ITPKC: variants seen among roughly 807,000 people sequenced by gnomAD.
ITPKC encodes inositol-trisphosphate 3-kinase C.
Under a neutral mutation model 67.1 loss-of-function variants are expected in ITPKC, and 33 were observed. The ratio of observed to expected loss-of-function variants is 0.49; its 90% CI spans 0.37 to 0.66. ITPKC has a LOEUF of 0.66. ITPKC is among the 30% of genes least tolerant of loss of function. ITPKC has a pLI of 0.00. For synonymous variants in ITPKC, 341 were observed against 359.8 expected, an observed-to-expected ratio of 0.95 and a Z score of 0.59; for missense variants, 820 against 892.1, an observed-to-expected ratio of 0.92 and a Z score of 1.03.
At chr19:40,739,132 G>A (rs114858650) in intron 6 of ITPKC, among the ~76,000 whole-genome samples, 1,619 of 152,308 alleles carry the variant, frequency 0.011, 39 homozygotes, top group African/African-American at 0.037. Flanking sequence ...ACGGACTGGG[G>A]AGACTAACTG....
At chr19:40,718,654 G>A (rs1359183539) in intron 1 of ITPKC, among the ~76,000 whole-genome samples, 1 of 152,096 alleles carries the variant, frequency 6.6e-6, no homozygotes, top group African/African-American at 2.4e-5. Flanking sequence ...CTAATCCTCT[G>A]GAATCTGAAG....
At chr19:40,730,505 C>T (rs769057697) in intron 3 of ITPKC, among the ~76,000 whole-genome samples, 2 of 152,136 alleles carry the variant, frequency 1.3e-5, no homozygotes, top group Non-Finnish European at 2.9e-5. Flanking sequence ...GATTATAGCT[C>T]ACAGTAGCCT....
intron 3 of ITPKC, among the ~76,000 whole-genome samples, chr19:40,729,866 C>A (rs754772377): frequency 3.3e-5 from 5 of 152,182 alleles, no homozygotes; most frequent in Non-Finnish European, 5.9e-5. Flanking sequence ...GTGTTACAGT[C>A]GTCCCAGATT....
intron 1 of ITPKC, among the ~76,000 whole-genome samples, chr19:40,720,510 C>G (rs2561528): frequency 0.65 from 99,107 of 151,708 alleles, 32,913 homozygotes; most frequent in African/African-American, 0.76. Context: ...TTTAAACCCT[C>G]CAGTGTGTAG....
intron 1 of ITPKC, among the ~76,000 whole-genome samples, chr19:40,721,646 A>C (rs1178596412): frequency 2.0e-5 from 3 of 151,848 alleles, no homozygotes; most frequent in East Asian, 3.9e-4. Context: ...TGGGATTACA[A>C]GCATGAGCCA....
rs1599645051 is a variant in ITPKC at position 40,717,764 on chromosome 19, G to A, written c.629G>A (p.Gly210Glu). The change falls in exon 1 of 7, where the codon GGA becomes GAA. Residue 210 changes from glycine to glutamate, a missense_variant. By Grantham distance (98) the Gly-to-Glu change is moderately conservative. This residue lies in a region of ITPKC where 481 missense variants were observed against 470.1 expected (regional missense o/e 1.02). Coordinates refer to ENST00000263370, the MANE Select transcript of ITPKC (RefSeq NM_025194.3). ...NSSSLQTHPE[G>E]ACPSKEPSAD... The stretch of plus-strand genomic sequence containing the variant: ...TCCAGCCTCCAGACTCACCCAGAAG[G>A]AGCCTGTCCCTCAAAAGAGCCAAGT... 7.4e-6 allele frequency: 12 copies of A among 1,613,828 alleles called. No homozygotes were observed. The highest frequency in any genetic ancestry group is 2.7e-5 in the African/African-American group (2 of 74,890).
chr19:40,737,699 A>G lies in ITPKC; in HGVS notation c.1778A>G (p.Gln593Arg). Reference protein sequence around the residue: ...DFVDGDHVILQKYVACLEELR... With the variant: ...DFVDGDHVILRKYVACLEELR... ...CAAAGAACGCTCCCTGTCACACAGC[A>G]AAAGTACGTGGCATGCCTAGAAGAA... Residue 593 changes from glutamine to arginine, a missense_variant and splice_region_variant, in exon 6 of 7, where the codon CAA (glutamine) becomes CGA (arginine). Coordinates refer to ENST00000263370, the MANE Select transcript of ITPKC (RefSeq NM_025194.3). The G allele has an allele frequency of 6.2e-7, 1 of 1,614,126 alleles. No individual in the cohort carries two copies. The highest frequency in any genetic ancestry group is 8.5e-7 in the Non-Finnish European group (1 of 1,179,982).
intron 1 of ITPKC, among the ~76,000 whole-genome samples, chr19:40,721,508 C>G (rs1453897846): frequency 6.6e-6 from 1 of 151,780 alleles, no homozygotes; most frequent in African/African-American, 2.4e-5. Flanking sequence ...GTAGCTGGGA[C>G]TACAAGCGCA....
intron 3 of ITPKC, among the ~76,000 whole-genome samples, chr19:40,732,290 G>A (rs1205640888): frequency 6.6e-6 from 1 of 150,874 alleles, no homozygotes; most frequent in Non-Finnish European, 1.5e-5. Flanking sequence ...CTTGTAAATG[G>A]GAGGCAGAGG....
chr19:40,738,382 T>C (rs1378023490), intron 6 of ITPKC, among the ~76,000 whole-genome samples: 1 of 152,012 alleles, frequency 6.6e-6, no homozygotes, highest in East Asian at 1.9e-4. Context: ...TGAGCCGAGA[T>C]TGTGCCGCTG....
In ITPKC at chr19:40,737,887, G is replaced by A. The variant is rs796553172; in HGVS notation, c.1848+118G>A. On this transcript the variant is annotated intron_variant, in intron 6 of 6. Coordinates refer to ENST00000263370, the MANE Select transcript of ITPKC (RefSeq NM_025194.3). Reference sequence around the variant, plus strand: ...AAAAAGGGGCTGGGCGTTGTGGCCCGCACCTGTAATACCAGCACTTTGGGA... The same window carrying A: ...AAAAAGGGGCTGGGCGTTGTGGCCCACACCTGTAATACCAGCACTTTGGGA... 2.9e-5 allele frequency: 23 copies of A among 796,006 alleles called. No homozygotes were observed. The African/African-American group carries it at 2.9e-4, about 10-fold the overall frequency. The allele number at this position is 796,006 out of a possible 1,614,324, so 49.3% of individuals were successfully genotyped here. A position where few individuals can be genotyped will look rare whatever the true frequency, so the allele number is the denominator to read the frequency against.
At chr19:40,738,809 G>A (rs74351066) in intron 6 of ITPKC, among the ~76,000 whole-genome samples, 3,329 of 152,270 alleles carry the variant, frequency 0.022, 114 homozygotes, top group African/African-American at 0.075. Context: ...ATCCTCAGGT[G>A]ATCTCCTCCA....
chr19:40,727,551 C>A (rs999990615), intron 2 of ITPKC, among the ~76,000 whole-genome samples: 1 of 152,128 alleles, frequency 6.6e-6, no homozygotes, highest in African/African-American at 2.4e-5. Flanking sequence ...CTGGAGGCTA[C>A]AAGCTGAAAA....
Position 40,739,391 on chromosome 19 carries a change from A to G in ITPKC, c.1883A>G (p.His628Arg). The change falls in exon 7 of 7, where the codon CAC becomes CGC. Residue 628 changes from histidine (H) to arginine (R), a missense_variant. His to Arg is a conservative substitution (Grantham distance 29). Around this residue, in one of 2 missense-constraint regions of ITPKC, gnomAD observed 339 missense variants for 422.0 expected, o/e 0.80. Coordinates refer to ENST00000263370, the MANE Select transcript of ITPKC (RefSeq NM_025194.3). Reference protein sequence around the residue: ...VGSSLLFVHDHTGLAKVWMID... With the variant: ...VGSSLLFVHDRTGLAKVWMID... ...AGCTCCCTCCTCTTCGTGCACGACC[A>G]CACCGGCCTGGCCAAGGTCTGGATG... is the stretch of plus-strand genomic sequence containing the variant. 6.2e-7 allele frequency: 1 copy of G among 1,613,704 alleles called. No individual in the cohort carries two copies. The highest frequency in any genetic ancestry group is 8.5e-7 in the Non-Finnish European group (1 of 1,180,008).
intron 1 of ITPKC, among the ~76,000 whole-genome samples, chr19:40,724,020 C>G (rs982782692): frequency 1.3e-5 from 2 of 152,212 alleles, no homozygotes; most frequent in Non-Finnish European, 2.9e-5. Flanking sequence ...CATTTCTTTT[C>G]TTACTCCCTC....
intron 2 of ITPKC, 52 bp downstream of exon 2, chr19:40,725,491 A>G (rs371963692): frequency 4.1e-6 from 5 of 1,233,066 alleles, no homozygotes; most frequent in Non-Finnish European, 4.8e-6. Context: ...GGGCCAGGGA[A>G]AGGGATGTTC....
intron 6 of ITPKC, 132 bp from the exon 7 acceptor site, chr19:40,739,225 C>A: frequency 1.5e-6 from 1 of 647,528 alleles, no homozygotes; most frequent in Non-Finnish European, 2.7e-6. Context: ...CAGGAGGTGG[C>A]ACAGCCAGGA....
Position 40,740,377 on chromosome 19 carries a change from A to G in ITPKC, c.*817A>G. 6.2e-6 allele frequency: 1 copy of G among 161,234 alleles called. No individual in the cohort carries two copies. Among genetic ancestry groups the G allele is most frequent in the Non-Finnish European group, 1.4e-5 (1 of 73,594 alleles). The allele number at this position is 161,234 out of a possible 1,614,324, so 10.0% of individuals were successfully genotyped here. A position where few individuals can be genotyped will look rare whatever the true frequency, so the allele number is the denominator to read the frequency against. On this transcript the variant is annotated 3_prime_UTR_variant, in exon 7 of 7. Transcript: ENST00000263370. ...AGGCTTCTCTCTCCTTTCTCCCAGC[A>G]AACTGCAGTGGCAGAAAGGAGGTTC...
chr19:40,721,411 C>G (rs1176722294), intron 1 of ITPKC, among the ~76,000 whole-genome samples: 1 of 151,200 alleles, frequency 6.6e-6, no homozygotes, highest in Non-Finnish European at 1.5e-5. Flanking sequence ...CACTCTGTTG[C>G]CTAGGCTGAA....
Sources: gnomAD v4.1 joint callset for allele counts (sites outside exome capture counted in the v4.1 genomes callset) on GRCh38, gnomAD v4.1.1 for gene constraint, gnomAD v4.1.1 regional missense constraint, MANE v1.5 for transcripts, NCBI Gene and HGNC (gene_info 2026-07-23, HGNC 2026-07-21) for gene names.